Variants in PIGL observed in about 807,000 individuals in gnomAD.
The protein encoded by PIGL is N-acetylglucosaminyl-phosphatidylinositol de-N-acetylase.
A neutral mutation model predicts 31.1 loss-of-function variants in PIGL; 22 were observed. The observed-to-expected ratio is 0.71, with a 90% CI of 0.51 to 1.01. PIGL has a LOEUF of 1.01. Among genes scored for constraint, PIGL ranks in the 50% least tolerant of loss-of-function variants. The pLI, the probability that PIGL is intolerant of heterozygous loss-of-function variation, is 0.00. For missense variants in PIGL, 302 were observed against 315.9 expected (o/e 0.96, Z 0.33); for synonymous variants, 131 against 117.4 (o/e 1.12, Z -0.75).
At chr17:16,246,605 C>G (rs2092748381) in intron 2 of PIGL, among the ~76,000 whole-genome samples, 1 of 150,470 alleles carries the variant, frequency 6.6e-6, no homozygotes, top group South Asian at 2.1e-4. Context: ...ATACCGTAGA[C>G]AGTGTGGCTT....
chr17:16,299,758 C>T, intron 2 of PIGL, 130 bp from the exon 3 acceptor site: 1 of 692,164 alleles, frequency 1.4e-6, no homozygotes, highest in South Asian at 1.7e-5. Context: ...CTGAAATCTG[C>T]TGAAGCTTAA....
chr17:16,263,495 T>G (rs57381510), intron 2 of PIGL, among the ~76,000 whole-genome samples: 3,914 of 146,076 alleles, frequency 0.027, 152 homozygotes, highest in Admixed American at 0.1. Context: ...GTTTTATTGG[T>G]TTTTTTTTGT....
At chr17:16,289,818 C>A (rs2092952780) in intron 2 of PIGL, among the ~76,000 whole-genome samples, 1 of 152,178 alleles carries the variant, frequency 6.6e-6, no homozygotes, top group Admixed American at 6.5e-5. Flanking sequence ...CTCTTGTTGT[C>A]CAGGCTGGAG....
intron 6 of PIGL, among the ~76,000 whole-genome samples, chr17:16,319,690 G>A (rs1164081132): frequency 6.6e-6 from 1 of 151,832 alleles, no homozygotes; most frequent in Non-Finnish European, 1.5e-5. Flanking sequence ...GGGAGGCGGA[G>A]GTTGCAGTGA....
At chr17:16,310,919 G>C (rs1049270281) in intron 3 of PIGL, among the ~76,000 whole-genome samples, 1 of 152,204 alleles carries the variant, frequency 6.6e-6, no homozygotes, top group East Asian at 1.9e-4. Context: ...CCACCACTCA[G>C]TGGCAAGGTG....
chr17:16,221,156 T>A (rs2092627109), intron 1 of PIGL, among the ~76,000 whole-genome samples: 3 of 152,184 alleles, frequency 2.0e-5, no homozygotes, highest in African/African-American at 4.8e-5. Flanking sequence ...CTGTATTTTT[T>A]ATTTGAAAAA....
chr17:16,249,458 C>T (rs2092761859), intron 2 of PIGL, among the ~76,000 whole-genome samples: 1 of 152,104 alleles, frequency 6.6e-6, no homozygotes, highest in Non-Finnish European at 1.5e-5. Context: ...CCAGCCTGGG[C>T]AACAGAGCGA....
At chr17:16,281,709 A>T (rs909670342) in intron 2 of PIGL, among the ~76,000 whole-genome samples, 1 of 152,248 alleles carries the variant, frequency 6.6e-6, no homozygotes, top group Non-Finnish European at 1.5e-5. Flanking sequence ...AGAAATATTA[A>T]TTTTAGAAGG....
At chr17:16,243,446 A>C (rs1271633767) in intron 2 of PIGL, among the ~76,000 whole-genome samples, 2 of 152,212 alleles carry the variant, frequency 1.3e-5, no homozygotes, top group African/African-American at 4.8e-5. Flanking sequence ...TATGCTACAA[A>C]GAGATGAAGG....
At chr17:16,274,709 G>A (rs534679454) in intron 2 of PIGL, among the ~76,000 whole-genome samples, 1 of 149,932 alleles carries the variant, frequency 6.7e-6, no homozygotes, top group African/African-American at 2.5e-5. Flanking sequence ...GGGGACAAGA[G>A]CAAGACTACG....
chr17:16,264,074 G>A (rs559057089), intron 2 of PIGL, among the ~76,000 whole-genome samples: 9 of 138,396 alleles, frequency 6.5e-5, no homozygotes, highest in Admixed American at 2.3e-4. Context: ...GTGCAATGGC[G>A]TGATCTTGGC....
chr17:16,223,333 C>T (rs1021474664), intron 1 of PIGL, among the ~76,000 whole-genome samples: 10 of 152,144 alleles, frequency 6.6e-5, no homozygotes, highest in Non-Finnish European at 1.2e-4. Flanking sequence ...AACCCCAGAA[C>T]TTTGGGAGGC....
intron 1 of PIGL, among the ~76,000 whole-genome samples, chr17:16,229,426 G>A (rs1233335752): frequency 6.7e-6 from 1 of 148,164 alleles, no homozygotes; most frequent in Non-Finnish European, 1.5e-5. Context: ...GGGCTATTAT[G>A]AATAATGCTT....
At chr17:16,269,160 T>A (rs2092858779) in intron 2 of PIGL, among the ~76,000 whole-genome samples, 1 of 152,216 alleles carries the variant, frequency 6.6e-6, no homozygotes, top group South Asian at 2.1e-4. Flanking sequence ...ATTTTACAGA[T>A]GAGGAAACTG....
chr17:16,267,456 A>G (rs946743223), intron 2 of PIGL, among the ~76,000 whole-genome samples: 1 of 152,100 alleles, frequency 6.6e-6, no homozygotes, highest in Non-Finnish European at 1.5e-5. Context: ...ATATCTTTGT[A>G]TAAGTGGACC....
chr17:16,234,173 G>C, intron 2 of PIGL, 103 bp downstream of exon 2: 1 of 686,434 alleles, frequency 1.5e-6, no homozygotes, highest in Non-Finnish European at 2.6e-6. Flanking sequence ...AGAACATCTT[G>C]TATGAAAAGT....
chr17:16,234,841 C>T (rs1269060339), intron 2 of PIGL, among the ~76,000 whole-genome samples: 1 of 152,128 alleles, frequency 6.6e-6, no homozygotes, highest in African/African-American at 2.4e-5. Flanking sequence ...AACTTCTGTT[C>T]GGATTTTTTT....
rs367588784 is a variant in PIGL at position 16,244,446 on chromosome 17, C to T, written c.335+10376C>T. On this transcript the variant is annotated intron_variant, in intron 2 of 6. Coordinates refer to ENST00000225609, the MANE Select transcript of PIGL (RefSeq NM_004278.4). ...CAAAGGCAATTTCAATATTAGTAATCGTGTTTTTTCTCAGGCACTCCATTT... is the reference window on the plus strand; with the variant it reads ...CAAAGGCAATTTCAATATTAGTAATTGTGTTTTTTCTCAGGCACTCCATTT... Among the ~76,000 whole-genome samples, 35 of 152,158 alleles carry T rather than the reference C, an allele frequency of 2.3e-4. 1 individual carries two copies. Among genetic ancestry groups the T allele is most frequent in the Admixed American group, 1.3e-3 (20 of 15,258 alleles).
intron 2 of PIGL, among the ~76,000 whole-genome samples, chr17:16,257,270 A>T (rs546771808): frequency 6.6e-6 from 1 of 152,138 alleles, no homozygotes; most frequent in African/African-American, 2.4e-5. Context: ...TACAAAAATT[A>T]GCCAGGCCTG....
Sources: allele counts gnomAD v4.1 joint callset (sites outside exome capture counted in the v4.1 genomes callset), GRCh38; gene constraint gnomAD v4.1.1; transcripts MANE v1.5; gene names NCBI Gene and HGNC (gene_info 2026-07-23, HGNC 2026-07-21).